The following SPMIP7 variants were observed in gnomAD, a reference collection of about 807,000 sequenced individuals.
SPMIP7 encodes sperm microtubule inner protein 7, also known as protein SPMIP7.
At chr7:50,096,498 C>T in the SPMIP7 span, 1 of 1,551,714 alleles carries the variant, frequency 6.4e-7, no homozygotes, top group Non-Finnish European at 8.7e-7. Context: ...GATGTGAAAC[C>T]TCAACATCGA....
chr7:50,149,524 G>C, the SPMIP7 span, among the ~76,000 whole-genome samples: 5 of 152,170 alleles, frequency 3.3e-5, no homozygotes, highest in African/African-American at 1.2e-4. Flanking sequence ...GTTGGTTAAG[G>C]GGCAGAGTCA....
the SPMIP7 span, among the ~76,000 whole-genome samples, chr7:50,135,707 TTC>T: frequency 6.6e-6 from 1 of 152,190 alleles, no homozygotes; most frequent in African/African-American, 2.4e-5. Flanking sequence ...CCAGATGATA[TTC>T]AAAGCTTAGG....
chr7:50,129,883 T>C, the SPMIP7 span: 3 of 793,820 alleles, frequency 3.8e-6, 1 homozygote, highest in East Asian at 8.2e-5. Context: ...ATATCCTGGA[T>C]CTTATGAGTG....
chr7:50,138,909 T>C, the SPMIP7 span, among the ~76,000 whole-genome samples: 4 of 152,204 alleles, frequency 2.6e-5, no homozygotes, highest in African/African-American at 9.7e-5. Context: ...TACCATTTTA[T>C]TGAACCATAT....
chr7:50,150,036 C>A, the SPMIP7 span, among the ~76,000 whole-genome samples: 1 of 152,150 alleles, frequency 6.6e-6, no homozygotes, highest in South Asian at 2.1e-4. Flanking sequence ...GCACACACCC[C>A]TTTCACTAAC....
the SPMIP7 span, among the ~76,000 whole-genome samples, chr7:50,154,388 C>T: frequency 7.3e-3 from 1,112 of 152,236 alleles, 9 homozygotes; most frequent in African/African-American, 0.015. Flanking sequence ...CTACATCTCC[C>T]GTTGCCTCAC....
At chr7:50,130,416 A>T in the SPMIP7 span, among the ~76,000 whole-genome samples, 1 of 152,062 alleles carries the variant, frequency 6.6e-6, no homozygotes, top group Non-Finnish European at 1.5e-5. Context: ...AGATCTCGTG[A>T]GACTTATTCA....
chr7:50,140,182 G>A, the SPMIP7 span: 12 of 1,486,624 alleles, frequency 8.1e-6, no homozygotes, highest in African/African-American at 1.0e-4. Flanking sequence ...CTCTCTATAC[G>A]TAAGTAATGT....
At chr7:50,116,336 A>T in the SPMIP7 span, among the ~76,000 whole-genome samples, 2 of 152,180 alleles carry the variant, frequency 1.3e-5, no homozygotes, top group Non-Finnish European at 2.9e-5. Context: ...GCTGGTCTGG[A>T]ACTCCTGAGC....
At chr7:50,157,052 A>G in the SPMIP7 span, among the ~76,000 whole-genome samples, 1 of 149,680 alleles carries the variant, frequency 6.7e-6, no homozygotes, top group Non-Finnish European at 1.5e-5. Context: ...GAAGGGGGAC[A>G]AGAGAGAGGC....
At chr7:50,122,944 T>G in the SPMIP7 span, among the ~76,000 whole-genome samples, 1 of 149,442 alleles carries the variant, frequency 6.7e-6, no homozygotes, top group Admixed American at 6.6e-5. Context: ...TGTGGAGAAA[T>G]AGGAACACTT....
the SPMIP7 span, among the ~76,000 whole-genome samples, chr7:50,121,856 C>T: frequency 6.6e-6 from 1 of 151,722 alleles, no homozygotes; most frequent in Admixed American, 6.6e-5. Context: ...GGAGTTTCAC[C>T]ATGTTGACCA....
the SPMIP7 span, chr7:50,096,609 C>A: frequency 6.5e-7 from 1 of 1,549,210 alleles, no homozygotes; most frequent in Non-Finnish European, 8.7e-7. Context: ...AGGGAAGTAC[C>A]AGACATTTCT....
At chr7:50,145,612 G>GTATATATATATATATA in the SPMIP7 span, among the ~76,000 whole-genome samples, 27 of 36,898 alleles carry the variant, frequency 7.3e-4, 4 homozygotes, top group East Asian at 2.5e-3. Flanking sequence ...GTGTGTATAT[G>GTATATATATATATATA]TGTGTGTATA....
At chr7:50,156,325 T>C in the SPMIP7 span, among the ~76,000 whole-genome samples, 1 of 152,120 alleles carries the variant, frequency 6.6e-6, no homozygotes, top group Non-Finnish European at 1.5e-5. Context: ...CATAGTGAGC[T>C]AACTTCCTCC....
the SPMIP7 span, among the ~76,000 whole-genome samples, chr7:50,107,390 AGAAAAG>A: frequency 5.0e-5 from 4 of 79,756 alleles, no homozygotes; most frequent in Admixed American, 1.6e-4. Context: ...AAAAAAGAAA[AGAAAAG>A]AAAAAGAAAA....
At chr7:50,126,776 T>A in the SPMIP7 span, among the ~76,000 whole-genome samples, 7 of 152,028 alleles carry the variant, frequency 4.6e-5, no homozygotes, top group African/African-American at 1.7e-4. Context: ...AGAAAATTAA[T>A]CATTTTGCTA....
the SPMIP7 span, chr7:50,135,955 C>T: frequency 1.7e-6 from 1 of 592,772 alleles, no homozygotes. Flanking sequence ...CCATGAAGTG[C>T]TAGCAAAGCT....
chr7:50,145,986 A>T, the SPMIP7 span, among the ~76,000 whole-genome samples: 1 of 152,174 alleles, frequency 6.6e-6, no homozygotes, highest in African/African-American at 2.4e-5. Flanking sequence ...ATTGTCCAAC[A>T]TGGACCCCCA....
Sources: allele counts gnomAD v4.1 joint callset (sites outside exome capture counted in the v4.1 genomes callset), GRCh38; gene constraint gnomAD v4.1.1; transcripts MANE v1.5; gene names NCBI Gene and HGNC (gene_info 2026-07-23, HGNC 2026-07-21).